The following PEG3 variants were observed in gnomAD, a reference collection of about 807,000 sequenced individuals.
PEG3 encodes paternally-expressed gene 3 protein.
PEG3 carries 23 observed loss-of-function variants against 35.5 expected under a neutral mutation model. The observed-to-expected ratio is 0.65, with a 90% CI of 0.47 to 0.92. The LOEUF (loss-of-function observed/expected upper bound fraction) is 0.92. PEG3 is among the 40% of genes least tolerant of loss of function. The pLI is 0.00. For synonymous variants in PEG3, 707 were observed against 697.0 expected (o/e 1.01, Z -0.23); for missense variants, 1,960 against 1,985.3 (o/e 0.99, Z 0.24).
rs1395953498 is a variant in PEG3, at chr19:56,810,514, T to C, written c.*3161A>G. On this transcript the variant is annotated 3_prime_UTR_variant, in exon 10 of 10. Transcript: ENST00000326441. Reference sequence around the variant, plus strand: ...GTTAACAGTTAATTGTTGTTGGGTGTTGGGAATATGTGTGAATTTTCTTTA... The same window carrying C: ...GTTAACAGTTAATTGTTGTTGGGTGCTGGGAATATGTGTGAATTTTCTTTA... The C allele has an allele frequency of 1.0e-6, 1 of 984,628 alleles. No homozygotes were observed. The highest frequency in any genetic ancestry group is 1.2e-6 in the Non-Finnish European group (1 of 829,338). 61.0% of individuals were successfully genotyped at this position (984,628 alleles called of 1,614,324 possible).
rs2059581040 is a variant in PEG3, at chr19:56,812,111, A to T, written c.*1564T>A. On this transcript the variant is annotated 3_prime_UTR_variant, in exon 10 of 10. Transcript: ENST00000326441. The stretch of plus-strand genomic sequence containing the variant: ...AATGATCTACACTTACATTTTGCAA[A>T]TCTTTTTTTTTAAATTTTTTAAATT... 1 of 974,708 alleles carries T rather than the reference A, an allele frequency of 1.0e-6. No individual in the cohort carries two copies. The highest frequency in any genetic ancestry group is 1.2e-6 in the Non-Finnish European group (1 of 820,238). 60.4% of individuals were successfully genotyped at this position (974,708 alleles called of 1,614,324 possible). A position where few individuals can be genotyped will look rare whatever the true frequency, so the allele number is the denominator to read the frequency against.
intron 7 of PEG3, among the ~76,000 whole-genome samples, chr19:56,820,376 A>C (rs923986969): frequency 2.0e-5 from 3 of 152,232 alleles, no homozygotes; most frequent in Non-Finnish European, 4.4e-5. Context: ...CAGACTTTTA[A>C]TTATGCAGAC....
intron 2 of PEG3, among the ~76,000 whole-genome samples, chr19:56,833,949 C>G (rs1468101843): frequency 6.6e-6 from 1 of 152,128 alleles, no homozygotes; most frequent in Non-Finnish European, 1.5e-5. Flanking sequence ...TTAGCACTTA[C>G]CACACTGCAG....
At position 56,824,761 on chromosome 19, in the gene PEG3, A is replaced by C. The variant is rs1246211804; in HGVS notation, c.-86-20T>G. 1 of 1,087,636 alleles carries C rather than the reference A, an allele frequency of 9.2e-7. No individual in the cohort carries two copies. The highest frequency in any genetic ancestry group is 1.3e-6 in the Non-Finnish European group (1 of 752,024). 67.4% of individuals were successfully genotyped at this position (1,087,636 alleles called of 1,614,324 possible). Reference sequence around the variant, plus strand: ...AGGGACCTGTGGATCGTAAGGAGATATACACATGTCCCAGAAGTTGAAGAC... The same window carrying C: ...AGGGACCTGTGGATCGTAAGGAGATCTACACATGTCCCAGAAGTTGAAGAC... On this transcript the variant is annotated intron_variant, in intron 3 of 9. Transcript: ENST00000326441.
chr19:56,822,554 C>A, intron 6 of PEG3, 199 bp downstream of exon 6: 1 of 562,034 alleles, frequency 1.8e-6, no homozygotes, highest in Non-Finnish European at 3.0e-6. Context: ...TAGGTGGCAA[C>A]AGGTCTATGT....
At chr19:56,822,673 G>T in intron 6 of PEG3, 80 bp downstream of exon 6, 1 of 1,555,922 alleles carries the variant, frequency 6.4e-7, no homozygotes, top group Non-Finnish European at 8.7e-7. Context: ...AAACTTCGAG[G>T]CCCTGGCACT....
In PEG3 at chr19:56,817,370, C is replaced by T. The variant is rs767795478; in HGVS notation, c.1072G>A (p.Glu358Lys). 1.9e-6 allele frequency: 3 copies of T among 1,613,894 alleles called. No homozygotes were observed. Among genetic ancestry groups the T allele is most frequent in the Admixed American group, 3.3e-5 (2 of 60,022 alleles). ...NWKDISLNKR[E>K]SVIQQRVYEG... ...TAAACCCGCTGCTGGATCACTGACT[C>T]CCTCTTGTTCAATGAAATGTCCTTC... Residue 358 changes from glutamate to lysine, a missense_variant, in exon 10 of 10, where the codon GAG (glutamate) becomes AAG (lysine). Transcript: ENST00000326441.
intron 7 of PEG3, 84 bp from the exon 8 acceptor site, chr19:56,818,786 A>C (rs2060212853): frequency 1.4e-6 from 2 of 1,478,918 alleles, no homozygotes. Context: ...CATGGGAGTT[A>C]CATATATGAA....
At chr19:56,839,547 G>A (rs184054368) in intron 1 of PEG3, among the ~76,000 whole-genome samples, 2 of 151,088 alleles carry the variant, frequency 1.3e-5, no homozygotes, top group East Asian at 4.0e-4. Context: ...CATCAAACAT[G>A]GCGTCAAAGC....
chr19:56,821,384 G>A (rs2060470787), intron 7 of PEG3, among the ~76,000 whole-genome samples: 1 of 152,268 alleles, frequency 6.6e-6, no homozygotes. Flanking sequence ...GGCCCTGTAG[G>A]GAACGGCCAA....
Position 56,813,947 on chromosome 19 carries a change from G to C in PEG3, c.4495C>G (p.Gln1499Glu). Residue 1499 changes from glutamine to glutamate, a missense_variant, in exon 10 of 10, where the codon CAG (glutamine) becomes GAG (glutamate). By Grantham distance (29) the Gln-to-Glu change is conservative. This residue lies in a region of PEG3 where 416 missense variants were observed against 416.7 expected (regional missense o/e 1.00). Transcript: ENST00000326441. ...CAGTCATAGTATGGTTCTTCTACCTGAATCTCTTGATCTTCACCTTCTTCT... is the reference window on the plus strand; with the variant it reads ...CAGTCATAGTATGGTTCTTCTACCTCAATCTCTTGATCTTCACCTTCTTCT... ...DPEEGEDQEI[Q>E]VEEPYYDCHE... is the part of the protein sequence containing the mutation. 1 of 1,614,158 alleles carries C rather than the reference G, an allele frequency of 6.2e-7. No homozygotes were observed. The highest frequency in any genetic ancestry group is 8.5e-7 in the Non-Finnish European group (1 of 1,179,998).
At chr19:56,839,637 C>A (rs2062731189) in intron 1 of PEG3, among the ~76,000 whole-genome samples, 1 of 152,212 alleles carries the variant, frequency 6.6e-6, no homozygotes, top group Non-Finnish European at 1.5e-5. Context: ...TAGAACAGCG[C>A]CTACTCGGCA....
At position 56,815,877 on chromosome 19, in the gene PEG3, A is replaced by T. The variant is rs202029369; in HGVS notation, c.2565T>A (p.Ser855=). The T allele has an allele frequency of 6.2e-7, 1 of 1,613,454 alleles. No homozygotes were observed. Among genetic ancestry groups the T allele is most frequent in the Non-Finnish European group, 8.5e-7 (1 of 1,179,694 alleles). Residue 855 remains serine (S), a synonymous_variant, in exon 10 of 10, where the codon TCT becomes TCA. Coordinates refer to ENST00000326441, the MANE Select transcript of PEG3 (RefSeq NM_006210.3). ...RSHNGNELVE[S]NEKGESSIYI... is the part of the protein sequence containing the mutation. ...AAATGGAGGATTCTCCCTTCTCATT[A>T]GATTCCACCAATTCATTTCCATTGT...
chr19:56,812,251 C>A lies in PEG3; in HGVS notation c.*1424G>T, dbSNP rs1187718866. ...AGTCCACAGAATAGGACACAAGAAA[C>A]CTCAAGCTGTGAGGTCAATTTGTAA... is the stretch of plus-strand genomic sequence containing the variant. On this transcript the variant is annotated 3_prime_UTR_variant, in exon 10 of 10. Coordinates refer to ENST00000326441, the MANE Select transcript of PEG3 (RefSeq NM_006210.3). 2.0e-6 allele frequency: 2 copies of A among 978,636 alleles called. No homozygotes were observed. The highest frequency in any genetic ancestry group is 3.5e-5 in the African/African-American group (2 of 56,974). The allele number at this position is 978,636 out of a possible 1,614,324, so 60.6% of individuals were successfully genotyped here. A position where few individuals can be genotyped will look rare whatever the true frequency, so the allele number is the denominator to read the frequency against.
At position 56,816,045 on chromosome 19, in the gene PEG3, T is replaced by C. The variant is rs769609361; in HGVS notation, c.2397A>G (p.Pro799=). ...GAATGGTAGACTCTGCCATTACTTT[T>C]GGTTTACTGGGCCCTGCTACACTGT... is the stretch of plus-strand genomic sequence containing the variant. ...KSHSVAGPSK[P]KVMAESTIQS... is the part of the protein sequence containing the mutation. Residue 799 remains proline (P), a synonymous_variant, in exon 10 of 10, where the codon CCA becomes CCG. Transcript: ENST00000326441. 3.1e-6 allele frequency: 5 copies of C among 1,597,276 alleles called. No homozygotes were observed.
At chr19:56,817,919 C>G (rs754936835) in intron 8 of PEG3, 84 bp from the exon 9 acceptor site, 6 of 1,096,938 alleles carry the variant, frequency 5.5e-6, no homozygotes, top group African/African-American at 1.5e-5. Flanking sequence ...TCATCTTTCA[C>G]TGAGCCACTA....
At position 56,813,968 on chromosome 19, in the gene PEG3, C is replaced by T; in HGVS notation, c.4474G>A (p.Glu1492Lys). 6.2e-7 allele frequency: 1 copy of T among 1,614,140 alleles called. No homozygotes were observed. Among genetic ancestry groups the T allele is most frequent in the Non-Finnish European group, 8.5e-7 (1 of 1,179,988 alleles). ...ACCTGAATCTCTTGATCTTCACCTT[C>T]TTCTGGGTCTTCAATTCCCACACCG... ...PDGVGIEDPE[E>K]GEDQEIQVEE... Residue 1492 changes from glutamate to lysine, a missense_variant, in exon 10 of 10, where the codon GAA becomes AAA. By Grantham distance (56) the Glu-to-Lys change is moderately conservative. Around this residue, in one of 5 missense-constraint regions of PEG3, gnomAD observed 416 missense variants for 416.7 expected, o/e 1.00. Coordinates refer to ENST00000326441, the MANE Select transcript of PEG3 (RefSeq NM_006210.3).
rs1010328225 is a variant in PEG3 at position 56,810,225 on chromosome 19, A to G, written c.*3450T>C. The stretch of plus-strand genomic sequence containing the variant: ...ACCACACTCTTTGGATGGTGAAAAC[A>G]TGGGTGAGTTTCTCTTCTACATTTC... On this transcript the variant is annotated 3_prime_UTR_variant, in exon 10 of 10. Coordinates refer to ENST00000326441, the MANE Select transcript of PEG3 (RefSeq NM_006210.3). 1.3e-4 allele frequency: 127 copies of G among 983,030 alleles called. No individual in the cohort carries two copies. The highest frequency in any genetic ancestry group is 1.8e-4 in the Admixed American group (3 of 16,252). 60.9% of individuals were successfully genotyped at this position (983,030 alleles called of 1,614,324 possible).
intron 8 of PEG3, 61 bp downstream of exon 8, chr19:56,818,539 G>T: frequency 6.3e-7 from 1 of 1,575,078 alleles, no homozygotes; most frequent in Non-Finnish European, 8.7e-7. Flanking sequence ...TTAAAAAGGA[G>T]CAAGATGACA....
Sources: gnomAD v4.1 joint callset for allele counts (sites outside exome capture counted in the v4.1 genomes callset) on GRCh38, gnomAD v4.1.1 for gene constraint, gnomAD v4.1.1 regional missense constraint, MANE v1.5 for transcripts, NCBI Gene and HGNC (gene_info 2026-07-23, HGNC 2026-07-21) for gene names.